Variants in PDZRN4 observed in about 807,000 individuals in gnomAD.
PDZRN4 encodes PDZ domain-containing RING finger protein 4.
PDZRN4 carries 70 observed loss-of-function variants against 99.0 expected under a neutral mutation model. That is an observed-to-expected ratio of 0.71 (90% CI 0.58 to 0.86). The LOEUF is 0.86. Ranked by LOEUF, PDZRN4 falls within the 40% of genes least tolerant of loss-of-function variation. The pLI is 0.00. For synonymous variants in PDZRN4, 551 were observed against 501.6 expected, an observed-to-expected ratio of 1.10 and a Z score of -1.32; for missense variants, 1,474 against 1,331.2, an observed-to-expected ratio of 1.11 and a Z score of -1.67.
rs1488008059 is a variant in PDZRN4 at position 41,509,840 on chromosome 12, A to T, written c.1130A>T (p.Glu377Val). Residue 377 changes from glutamate (E) to valine (V), a missense_variant, in exon 5 of 10, where the codon GAA becomes GTA. Coordinates refer to ENST00000402685, the MANE Select transcript of PDZRN4 (RefSeq NM_001164595.2). ...CATTCTCTACATCCAATGGAGCATG[A>T]ATTTTATGAGGACAATGAGTATATT... ...SCHSLHPMEH[E>V]FYEDNEYISS... 6.3e-7 allele frequency: 1 copy of T among 1,598,294 alleles called. No individual in the cohort carries two copies. Among genetic ancestry groups the T allele is most frequent in the Admixed American group, 1.7e-5 (1 of 58,626 alleles).
intron 3 of PDZRN4, among the ~76,000 whole-genome samples, chr12:41,492,790 G>A (rs991452307): frequency 2.0e-5 from 3 of 152,038 alleles, no homozygotes; most frequent in Non-Finnish European, 2.9e-5. Context: ...ATAGCTATTT[G>A]TAAGCTGCCA....
chr12:41,337,059 C>T (rs1388546968), intron 3 of PDZRN4, among the ~76,000 whole-genome samples: 2 of 152,042 alleles, frequency 1.3e-5, no homozygotes, highest in East Asian at 1.9e-4. Context: ...GGTCCCCAGG[C>T]AAGAAGAGGG....
chr12:41,404,368 C>T (rs969310820), intron 3 of PDZRN4, among the ~76,000 whole-genome samples: 3 of 151,978 alleles, frequency 2.0e-5, no homozygotes, highest in African/African-American at 7.2e-5. Flanking sequence ...CAATAACGTC[C>T]AGGTTGAGAG....
At chr12:41,371,351 G>A (rs1298180092) in intron 3 of PDZRN4, among the ~76,000 whole-genome samples, 1 of 151,696 alleles carries the variant, frequency 6.6e-6, no homozygotes, top group African/African-American at 2.4e-5. Flanking sequence ...TTACATTATT[G>A]TTTCATTGTT....
chr12:41,335,139 C>T (rs1166178918), intron 3 of PDZRN4, among the ~76,000 whole-genome samples: 2 of 151,942 alleles, frequency 1.3e-5, no homozygotes, highest in African/African-American at 4.8e-5. Flanking sequence ...TGGATGGTGA[C>T]AAGGGGAGAT....
chr12:41,247,494 G>T (rs1387857709), intron 3 of PDZRN4, among the ~76,000 whole-genome samples: 2 of 152,138 alleles, frequency 1.3e-5, no homozygotes, highest in Non-Finnish European at 2.9e-5. Flanking sequence ...AACTTGGGGG[G>T]TTCCTTTAAA....
intron 3 of PDZRN4, among the ~76,000 whole-genome samples, chr12:41,408,785 C>T (rs1010547689): frequency 2.0e-5 from 3 of 148,020 alleles, no homozygotes; most frequent in Non-Finnish European, 4.5e-5. Flanking sequence ...TCTCTGTCTT[C>T]TCTCTCTCTC....
At chr12:41,378,789 C>T (rs1952101112) in intron 3 of PDZRN4, among the ~76,000 whole-genome samples, 1 of 152,146 alleles carries the variant, frequency 6.6e-6, no homozygotes, top group South Asian at 2.1e-4. Flanking sequence ...TCCGAAAGTG[C>T]TGGGATTACA....
At chr12:41,547,604 G>A (rs776726649) in intron 5 of PDZRN4, among the ~76,000 whole-genome samples, 3 of 152,006 alleles carry the variant, frequency 2.0e-5, no homozygotes, top group Admixed American at 1.3e-4. Flanking sequence ...CAGCCTGGGC[G>A]ACAGAGTGAG....
chr12:41,480,539 T>C (rs1278506331), intron 3 of PDZRN4, among the ~76,000 whole-genome samples: 1 of 152,158 alleles, frequency 6.6e-6, no homozygotes, highest in African/African-American at 2.4e-5. Context: ...AAATGCCTGG[T>C]GGGACAGTTT....
intron 3 of PDZRN4, among the ~76,000 whole-genome samples, chr12:41,230,874 CT>C (rs923795457): frequency 1.3e-5 from 2 of 151,978 alleles, no homozygotes. Context: ...CAGCTAATCT[CT>C]TTTTTTACCC....
At chr12:41,508,988 T>G (rs904525269) in intron 4 of PDZRN4, among the ~76,000 whole-genome samples, 11 of 152,198 alleles carry the variant, frequency 7.2e-5, no homozygotes, top group African/African-American at 2.7e-4. Context: ...TCTTTGCTGT[T>G]AAACTATGCT....
At chr12:41,275,455 G>A (rs542428544) in intron 3 of PDZRN4, among the ~76,000 whole-genome samples, 1 of 152,130 alleles carries the variant, frequency 6.6e-6, no homozygotes, top group South Asian at 2.1e-4. Context: ...GTGATTTTGA[G>A]GCCAAGTTGT....
intron 3 of PDZRN4, among the ~76,000 whole-genome samples, chr12:41,279,947 T>C (rs1951372414): frequency 6.6e-6 from 1 of 152,164 alleles, no homozygotes; most frequent in Non-Finnish European, 1.5e-5. Context: ...GGAACAGCTG[T>C]GGTCTGCAGC....
At chr12:41,403,049 G>A (rs1592045971) in intron 3 of PDZRN4, among the ~76,000 whole-genome samples, 1 of 152,142 alleles carries the variant, frequency 6.6e-6, no homozygotes, top group East Asian at 1.9e-4. Context: ...TCTAAAAAGG[G>A]AAGCCATAAT....
At chr12:41,550,029 T>C (rs1181600012) in intron 5 of PDZRN4, among the ~76,000 whole-genome samples, 3 of 152,196 alleles carry the variant, frequency 2.0e-5, no homozygotes, top group Non-Finnish European at 4.4e-5. Context: ...TCTCCTTTCC[T>C]CTGAGATACT....
chr12:41,538,297 G>A (rs1017095262), intron 5 of PDZRN4, among the ~76,000 whole-genome samples: 3 of 151,988 alleles, frequency 2.0e-5, no homozygotes, highest in Non-Finnish European at 4.4e-5. Context: ...GAAGAATGAG[G>A]TTATGTTTTA....
chr12:41,265,639 G>T (rs1399567979), intron 3 of PDZRN4, among the ~76,000 whole-genome samples: 1 of 152,112 alleles, frequency 6.6e-6, no homozygotes, highest in East Asian at 1.9e-4. Context: ...CTTAGCATAG[G>T]GGCAGCTGCT....
intron 5 of PDZRN4, among the ~76,000 whole-genome samples, chr12:41,517,286 T>C (rs1938417909): frequency 6.6e-6 from 1 of 152,098 alleles, no homozygotes; most frequent in Non-Finnish European, 1.5e-5. Context: ...AGATTCCTTA[T>C]ACTACATATA....
Sources: allele counts gnomAD v4.1 joint callset (sites outside exome capture counted in the v4.1 genomes callset), GRCh38; gene constraint gnomAD v4.1.1; transcripts MANE v1.5; gene names NCBI Gene and HGNC (gene_info 2026-07-23, HGNC 2026-07-21).